Variants in HEY2 observed in about 807,000 individuals in gnomAD.
HEY2 encodes hes related family bHLH transcription factor with YRPW motif 2.
HEY2 carries 10 observed loss-of-function variants against 18.1 expected under a neutral mutation model. The observed-to-expected ratio is 0.55, with a 90% CI of 0.34 to 0.94. The LOEUF (loss-of-function observed/expected upper bound fraction) is 0.94. Ranked by LOEUF, HEY2 falls within the 40% of genes least tolerant of loss-of-function variation. HEY2 has a pLI of 0.02. For synonymous variants in HEY2, 210 were observed against 182.7 expected, an observed-to-expected ratio of 1.15 and a Z score of -1.21; for missense variants, 455 against 455.9, an observed-to-expected ratio of 1.00 and a Z score of 0.02.
intron 3 of HEY2, among the ~76,000 whole-genome samples, chr6:125,753,669 A>G (rs1212601981): frequency 6.6e-6 from 1 of 152,138 alleles, no homozygotes; most frequent in African/African-American, 2.4e-5. Context: ...TTTGTATTTC[A>G]ATTGGTTACC....
chr6:125,749,797 G>T lies in HEY2; in HGVS notation c.21G>T (p.Glu7Asp). 6.3e-7 allele frequency: 1 copy of T among 1,582,308 alleles called. No individual in the cohort carries two copies. The highest frequency in any genetic ancestry group is 1.2e-5 in the South Asian group (1 of 86,214). Residue 7 changes from glutamate (E) to aspartate (D), a missense_variant, in exon 1 of 5, where the codon GAG (glutamate) becomes GAT (aspartate). Physicochemically the swap from Glu to Asp is conservative, Grantham distance 45 (BLOSUM62 2). Transcript: ENST00000368364. The stretch of plus-strand genomic sequence containing the variant: ...CCGGGATGAAGCGCCCCTGCGAGGA[G>T]ACGACCTCCGAGAGCGACATGGACG... MKRPCE[E>D]TTSESDMDET... is the part of the protein sequence containing the mutation.
At chr6:125,749,991 A>C (rs1160840285) in intron 1 of HEY2, 132 bp downstream of exon 1, 12 of 837,384 alleles carry the variant, frequency 1.4e-5, no homozygotes, top group Non-Finnish European at 1.9e-5. Flanking sequence ...TGGCCTGAGA[A>C]AGTTTGAGTG....
chr6:125,751,278 AAGT>A (rs1773538046), intron 1 of HEY2, among the ~76,000 whole-genome samples: 1 of 152,212 alleles, frequency 6.6e-6, no homozygotes, highest in Admixed American at 6.5e-5. Context: ...TGACTAACTG[AAGT>A]TTTGAAACAG....
chr6:125,759,892 A>T lies in HEY2; in HGVS notation c.*90A>T. On this transcript the variant is annotated 3_prime_UTR_variant, in exon 5 of 5. Transcript: ENST00000368364. ...CTGCACCCTGAAGGTAGCCATACAG[A>T]TGCCGACAGATCCACAAAGGAACAA... 2 of 969,714 alleles carry T rather than the reference A, an allele frequency of 2.1e-6. No homozygotes were observed. Among genetic ancestry groups the T allele is most frequent in the East Asian group, 5.1e-5 (2 of 39,454 alleles). 60.1% of individuals were successfully genotyped at this position (969,714 alleles called of 1,614,324 possible). A position where few individuals can be genotyped will look rare whatever the true frequency, so the allele number is the denominator to read the frequency against.
chr6:125,759,909 A>C lies in HEY2; in HGVS notation c.*107A>C. 1.2e-6 allele frequency: 1 copy of C among 831,618 alleles called. No homozygotes were observed. The highest frequency in any genetic ancestry group is 1.7e-5 in the South Asian group (1 of 57,272). 51.5% of individuals were successfully genotyped at this position (831,618 alleles called of 1,614,324 possible). A position where few individuals can be genotyped will look rare whatever the true frequency, so the allele number is the denominator to read the frequency against. ...CCATACAGATGCCGACAGATCCACA[A>C]AGGAACAATAAAGCTATTTGAGACA... On this transcript the variant is annotated 3_prime_UTR_variant, in exon 5 of 5. Coordinates refer to ENST00000368364, the MANE Select transcript of HEY2 (RefSeq NM_012259.3).
chr6:125,761,014 C>T lies in HEY2; in HGVS notation c.*1212C>T, dbSNP rs1339530408. 1.3e-5 allele frequency: 2 copies of T among 152,494 alleles called. No homozygotes were observed. The highest frequency in any genetic ancestry group is 4.8e-5 in the African/African-American group (2 of 41,398). The allele number at this position is 152,494 out of a possible 1,614,324, so 9.4% of individuals were successfully genotyped here. A position where few individuals can be genotyped will look rare whatever the true frequency, so the allele number is the denominator to read the frequency against. On this transcript the variant is annotated 3_prime_UTR_variant, in exon 5 of 5. Coordinates refer to ENST00000368364, the MANE Select transcript of HEY2 (RefSeq NM_012259.3). The stretch of plus-strand genomic sequence containing the variant: ...CGATTTCGTTTAATGACAAAATAAT[C>T]TCTTAATATGCTGAAATCAAGCACG...
chr6:125,759,283 G>A lies in HEY2; in HGVS notation c.495G>A (p.Glu165=). The A allele has an allele frequency of 6.2e-7, 1 of 1,606,432 alleles. No homozygotes were observed. Among genetic ancestry groups the A allele is most frequent in the African/African-American group, 1.3e-5 (1 of 75,026 alleles). Residue 165 remains glutamate, a synonymous_variant, in exon 5 of 5, where the codon GAG becomes GAA. Coordinates refer to ENST00000368364, the MANE Select transcript of HEY2 (RefSeq NM_012259.3). Reference sequence around the variant, plus strand: ...TCAGCACTTGCGCCACCCAGCGGGAGGCGGCGGCCATGACATCCTCCATGG... The same window carrying A: ...TCAGCACTTGCGCCACCCAGCGGGAAGCGGCGGCCATGACATCCTCCATGG... ...SHLSTCATQR[E]AAAMTSSMAH... is the part of the protein sequence containing the mutation.
At chr6:125,758,987 G>A in intron 4 of HEY2, 130 bp from the exon 5 acceptor site, 1 of 632,252 alleles carries the variant, frequency 1.6e-6, no homozygotes, top group Non-Finnish European at 2.6e-6. Context: ...AAGGATTATC[G>A]TTCCACTTCA....
rs147406225 is a variant in HEY2 at position 125,754,425 on chromosome 6, T to C, written c.247-40T>C. 857 of 1,244,836 alleles carry C rather than the reference T, an allele frequency of 6.9e-4. 7 individuals are homozygous for C. The African/African-American group carries it at 0.012, about 17-fold the overall frequency. 77.1% of individuals were successfully genotyped at this position (1,244,836 alleles called of 1,614,324 possible). On this transcript the variant is annotated intron_variant, in intron 3 of 4. Coordinates refer to ENST00000368364, the MANE Select transcript of HEY2 (RefSeq NM_012259.3). ...GTATAATGTTTCAGATTAGTTTCTG[T>C]AGGACATAGGATTATTTATTTATTT...
intron 3 of HEY2, among the ~76,000 whole-genome samples, chr6:125,753,274 G>C (rs150184162): frequency 1.8e-3 from 271 of 152,214 alleles, no homozygotes; most frequent in Admixed American, 4.1e-3. Context: ...GTTATGAGGC[G>C]AAGTCTGTTT....
In HEY2 at chr6:125,750,159, G is replaced by GTC. The variant is rs371852583; in HGVS notation, c.83+302_83+303dup. ...CACAGTTGGACGCGCGAACGGCAGC[G>GTC]TCTGGGCGACAGGCGATGTCCCAGC... On this transcript the variant is annotated intron_variant, in intron 1 of 4. Coordinates refer to ENST00000368364, the MANE Select transcript of HEY2 (RefSeq NM_012259.3). The GTC allele has an allele frequency of 2.1e-5, 16 of 777,066 alleles. No homozygotes were observed. In the African/African-American group the frequency reaches 3.0e-4, roughly 15 times the overall value. The allele number at this position is 777,066 out of a possible 1,614,324, so 48.1% of individuals were successfully genotyped here.
At chr6:125,753,856 T>TA (rs1432525453) in intron 3 of HEY2, among the ~76,000 whole-genome samples, 1 of 152,192 alleles carries the variant, frequency 6.6e-6, no homozygotes, top group African/African-American at 2.4e-5. Context: ...CTGCTGGTAA[T>TA]TATTGGGGAA....
At chr6:125,751,986 T>C in intron 2 of HEY2, 21 bp from the exon 3 acceptor site, 2 of 1,606,886 alleles carry the variant, frequency 1.2e-6, no homozygotes, top group South Asian at 1.1e-5. Flanking sequence ...TAAACTTTTG[T>C]TGTTTGCTTC....
chr6:125,759,684 C>A lies in HEY2; in HGVS notation c.896C>A (p.Ala299Glu). 6.2e-7 allele frequency: 1 copy of A among 1,612,564 alleles called. No homozygotes were observed. Among genetic ancestry groups the A allele is most frequent in the Non-Finnish European group, 8.5e-7 (1 of 1,180,008 alleles). The change falls in exon 5 of 5, where the codon GCG (alanine) becomes GAG (glutamate). Residue 299 changes from alanine (A) to glutamate (E), a missense_variant. Coordinates refer to ENST00000368364, the MANE Select transcript of HEY2 (RefSeq NM_012259.3). ...CCAAACGCAGCAGCAGCAGTGGCCG[C>A]GGCCACAGCCATCAGCCCGCCCTTG... ...LPPNAAAAVA[A>E]ATAISPPLSV...
intron 4 of HEY2, 33 bp from the exon 5 acceptor site, chr6:125,759,084 C>G: frequency 6.5e-7 from 1 of 1,536,280 alleles, no homozygotes; most frequent in Middle Eastern, 1.7e-4. Flanking sequence ...CCATCTCTCT[C>G]CTGTTCCCTA....
Position 125,759,666 on chromosome 6 carries a change from C to G in HEY2, c.878C>G (p.Ala293Gly). The G allele has an allele frequency of 1.9e-6, 3 of 1,611,590 alleles. No individual in the cohort carries two copies. The highest frequency in any genetic ancestry group is 2.5e-6 in the Non-Finnish European group (3 of 1,179,822). ...GCATTCCCCATGCTTCCCCCAAACG[C>G]AGCAGCAGCAGTGGCCGCGGCCACA... ...AGAFPMLPPN[A>G]AAAVAAATAI... is the part of the protein sequence containing the mutation. The change falls in exon 5 of 5, where the codon GCA becomes GGA. Residue 293 changes from alanine to glycine, a missense_variant. By Grantham distance (60) the Ala-to-Gly change is moderately conservative. Transcript: ENST00000368364.
chr6:125,756,522 G>C (rs372121891), intron 4 of HEY2, among the ~76,000 whole-genome samples: 1 of 151,998 alleles, frequency 6.6e-6, no homozygotes, highest in Non-Finnish European at 1.5e-5. Flanking sequence ...AGCCGAGATC[G>C]CGCCATTGCA....
rs1230399263 is a variant in HEY2 at position 125,760,424 on chromosome 6, A to C, written c.*622A>C. ...AAGTTGAAAGATCTAGTTTTATCTT[A>C]GTTTGCCTTCTTTGTACAGACATGC... On this transcript the variant is annotated 3_prime_UTR_variant, in exon 5 of 5. Transcript: ENST00000368364. The C allele has an allele frequency of 6.5e-6, 1 of 152,786 alleles. No individual in the cohort carries two copies. The highest frequency in any genetic ancestry group is 1.5e-5 in the Non-Finnish European group (1 of 68,466). 9.5% of individuals were successfully genotyped at this position (152,786 alleles called of 1,614,324 possible).
intron 4 of HEY2, among the ~76,000 whole-genome samples, chr6:125,755,853 A>T (rs755886283): frequency 1.2e-4 from 19 of 152,220 alleles, no homozygotes; most frequent in Non-Finnish European, 2.1e-4. Context: ...GACCTAAGAA[A>T]AAAGTCTGGG....
Sources: allele counts gnomAD v4.1 joint callset (sites outside exome capture counted in the v4.1 genomes callset), GRCh38; gene constraint gnomAD v4.1.1; transcripts MANE v1.5; gene names NCBI Gene and HGNC (gene_info 2026-07-23, HGNC 2026-07-21).